Variants in FUT6 observed in about 807,000 individuals in gnomAD.
FUT6 encodes fucosyltransferase 6.
For synonymous variants in FUT6, 187 were observed against 209.9 expected, an observed-to-expected ratio of 0.89 and a Z score of 0.94; for missense variants, 454 against 494.6, an observed-to-expected ratio of 0.92 and a Z score of 0.78.
In FUT6 at chr19:5,832,537, A is replaced by T; in HGVS notation, c.31T>A (p.Trp11Arg). Residue 11 changes from tryptophan to arginine, a missense_variant, in exon 3 of 3, where the codon TGG becomes AGG. Transcript: ENST00000318336. The surrounding 1 kb of genome is among the most constrained non-coding windows in gnomAD (Gnocchi z 4.3). The part of the protein sequence containing the change: MDPLGPAKPQ[W>R]SWRCCLTTLL... ...GTGGTCAGACAGCAGCGCCACGACCACTGTGGCTTGGCCGGGCCCAGGGGA... is the reference window on the plus strand; with the variant it reads ...GTGGTCAGACAGCAGCGCCACGACCTCTGTGGCTTGGCCGGGCCCAGGGGA... The T allele has an allele frequency of 6.2e-7, 1 of 1,613,532 alleles. No homozygotes were observed. The highest frequency in any genetic ancestry group is 8.5e-7 in the Non-Finnish European group (1 of 1,179,982).
In FUT6 at chr19:5,832,252, T is replaced by A; in HGVS notation, c.316A>T (p.Ile106Phe). ...RKVYPQADAV[I>F]VHHREVMYNP... The stretch of plus-strand genomic sequence containing the variant: ...TACATGACCTCTCGGTGGTGCACGA[T>A]GACCGCGTCTGCCTGTGGATACACC... The change falls in exon 3 of 3, where the codon ATC becomes TTC. Residue 106 changes from isoleucine (I) to phenylalanine (F), a missense_variant. Coordinates refer to ENST00000318336, the MANE Select transcript of FUT6 (RefSeq NM_000150.4). The surrounding 1 kb of genome is among the most constrained non-coding windows in gnomAD (Gnocchi z 4.3). The A allele has an allele frequency of 6.3e-7, 1 of 1,599,640 alleles. No homozygotes were observed. Among genetic ancestry groups the A allele is most frequent in the Middle Eastern group, 1.7e-4 (1 of 6,048 alleles).
chr19:5,833,646 A>G (rs1179794885), intron 2 of FUT6, among the ~76,000 whole-genome samples: 2 of 144,512 alleles, frequency 1.4e-5, no homozygotes, highest in South Asian at 2.2e-4. Flanking sequence ...TACAAAAATT[A>G]GCTGGGCGTG....
rs1055009521 is a variant in FUT6, at chr19:5,832,822, G to A, written c.-12-243C>T. On this transcript the variant is annotated intron_variant, in intron 2 of 2. Coordinates refer to ENST00000318336, the MANE Select transcript of FUT6 (RefSeq NM_000150.4). This position sits in a 1 kb window ranked among gnomAD's most constrained non-coding sequence, Gnocchi z 4.3. ...CTTTCTACATGGGCAAGGGTCCCTGGGGAAGTTGGGAGAGGCCCCAAGGGC... is the reference window on the plus strand; with the variant it reads ...CTTTCTACATGGGCAAGGGTCCCTGAGGAAGTTGGGAGAGGCCCCAAGGGC... 7.4e-6 allele frequency: 4 copies of A among 542,170 alleles called. No homozygotes were observed. The highest frequency in any genetic ancestry group is 1.3e-5 in the Non-Finnish European group (4 of 302,404). 33.6% of individuals were successfully genotyped at this position (542,170 alleles called of 1,614,324 possible).
In FUT6 at chr19:5,831,862, T is replaced by C; in HGVS notation, c.706A>G (p.Thr236Ala). 1 of 1,613,772 alleles carries C rather than the reference T, an allele frequency of 6.2e-7. No individual in the cohort carries two copies. The highest frequency in any genetic ancestry group is 8.5e-7 in the Non-Finnish European group (1 of 1,179,836). The change falls in exon 3 of 3, where the codon ACG becomes GCG. Residue 236 changes from threonine (T) to alanine (A), a missense_variant. Transcript: ENST00000318336. The surrounding 1 kb of genome is among the most constrained non-coding windows in gnomAD (Gnocchi z 7.0). The stretch of plus-strand genomic sequence containing the variant: ...AGATAGAACTTGTACCGGGACAGCG[T>C]CTCCATCATGGTTCCCTGGGGCAGG... ...KPLPQGTMME[T>A]LSRYKFYLAF...
chr19:5,831,986 C>G lies in FUT6; in HGVS notation c.582G>C (p.Trp194Cys). ...NLSAKTELVA[W>C]AVSNWGPNSA... ...AGTTTGGCCCCCAGTTGGACACTGC[C>G]CAGGCCACCAGCTCGGTCTTGGCCG... Residue 194 changes from tryptophan (W) to cysteine (C), a missense_variant, in exon 3 of 3, where the codon TGG becomes TGC. Coordinates refer to ENST00000318336, the MANE Select transcript of FUT6 (RefSeq NM_000150.4). This position sits in a 1 kb window ranked among gnomAD's most constrained non-coding sequence, Gnocchi z 7.0. 1 of 1,613,954 alleles carries G rather than the reference C, an allele frequency of 6.2e-7. No homozygotes were observed. The highest frequency in any genetic ancestry group is 8.5e-7 in the Non-Finnish European group (1 of 1,179,950).
rs920177821 is a variant in FUT6 at position 5,832,999 on chromosome 19, T to C, written c.-12-420A>G. 26 of 218,216 alleles carry C rather than the reference T, an allele frequency of 1.2e-4. No individual in the cohort carries two copies. The highest frequency in any genetic ancestry group is 2.3e-4 in the Non-Finnish European group (25 of 108,390). 13.5% of individuals were successfully genotyped at this position (218,216 alleles called of 1,614,324 possible). A position where few individuals can be genotyped will look rare whatever the true frequency, so the allele number is the denominator to read the frequency against. On this transcript the variant is annotated intron_variant, in intron 2 of 2. Coordinates refer to ENST00000318336, the MANE Select transcript of FUT6 (RefSeq NM_000150.4). The surrounding 1 kb of genome is among the most constrained non-coding windows in gnomAD (Gnocchi z 4.3). ...TCTGCTGGGGAAGGGCACAATGGGA[T>C]TGGGTTTTGGAGGTAATATAAGAGC...
Position 5,831,596 on chromosome 19 carries a change from C to G in FUT6, c.972G>C (p.Thr324=), listed in dbSNP as rs140002776. The change falls in exon 3 of 3, where the codon ACG becomes ACC. Residue 324 remains threonine (T), a synonymous_variant. Transcript: ENST00000318336. This position sits in a 1 kb window ranked among gnomAD's most constrained non-coding sequence, Gnocchi z 7.0. ...RYLSYFRWRE[T]LRPRSFSWAL... is the part of the protein sequence containing the mutation. Reference sequence around the variant, plus strand: ...CCCAGCTGAAGGAGCGAGGCCGCAGCGTCTCCCGCCAGCGAAAGTAGCTCA... The same window carrying G: ...CCCAGCTGAAGGAGCGAGGCCGCAGGGTCTCCCGCCAGCGAAAGTAGCTCA... 6.2e-7 allele frequency: 1 copy of G among 1,614,026 alleles called. No individual in the cohort carries two copies. Among genetic ancestry groups the G allele is most frequent in the East Asian group, 2.2e-5 (1 of 44,880 alleles).
Position 5,831,351 on chromosome 19 carries a change from A to C in FUT6, c.*137T>G. The C allele has an allele frequency of 2.5e-6, 4 of 1,599,726 alleles. No homozygotes were observed. The highest frequency in any genetic ancestry group is 3.4e-6 in the Non-Finnish European group (4 of 1,172,704). ...ATCCCCAGGCAGGTGAAGCTGCAAC[A>C]GGTGACCGTCCCAGGCAGGTGAGTC... On this transcript the variant is annotated 3_prime_UTR_variant, in exon 3 of 3. Coordinates refer to ENST00000318336, the MANE Select transcript of FUT6 (RefSeq NM_000150.4). The surrounding 1 kb of genome is among the most constrained non-coding windows in gnomAD (Gnocchi z 7.0).
Position 5,831,308 on chromosome 19 carries a change from G to A in FUT6, c.*180C>T. The A allele has an allele frequency of 2.1e-6, 3 of 1,452,966 alleles. No individual in the cohort carries two copies. The highest frequency in any genetic ancestry group is 2.9e-6 in the Non-Finnish European group (3 of 1,044,172). The allele number at this position is 1,452,966 out of a possible 1,614,324, so 90.0% of individuals were successfully genotyped here. A position where few individuals can be genotyped will look rare whatever the true frequency, so the allele number is the denominator to read the frequency against. On this transcript the variant is annotated 3_prime_UTR_variant, in exon 3 of 3. Transcript: ENST00000318336. This position sits in a 1 kb window ranked among gnomAD's most constrained non-coding sequence, Gnocchi z 7.0. ...CCAGCAGGTGAGGCCCCAGGAAAGT[G>A]AGGACCCAGGTAGGTGAATCCCCAG...
At chr19:5,837,568 T>C (rs1252290733) in intron 1 of FUT6, among the ~76,000 whole-genome samples, 1 of 151,700 alleles carries the variant, frequency 6.6e-6, no homozygotes, top group African/African-American at 2.4e-5. Flanking sequence ...AGTTAGAGAC[T>C]GTCCTGACCA....
rs1296242632 is a variant in FUT6, at chr19:5,831,143, G to A, written c.*345C>T. ...GGTCTCTGGGAGCAGGTCCCAGCAGGTAAAGTCCCCAACAGCCGAGGTCCC... is the reference window on the plus strand; with the variant it reads ...GGTCTCTGGGAGCAGGTCCCAGCAGATAAAGTCCCCAACAGCCGAGGTCCC... On this transcript the variant is annotated 3_prime_UTR_variant, in exon 3 of 3. Coordinates refer to ENST00000318336, the MANE Select transcript of FUT6 (RefSeq NM_000150.4). The surrounding 1 kb of genome is among the most constrained non-coding windows in gnomAD (Gnocchi z 7.0). The A allele has an allele frequency of 3.2e-6, 2 of 620,014 alleles. No homozygotes were observed. Among genetic ancestry groups the A allele is most frequent in the Non-Finnish European group, 5.7e-6 (2 of 350,168 alleles). 38.4% of individuals were successfully genotyped at this position (620,014 alleles called of 1,614,324 possible). A position where few individuals can be genotyped will look rare whatever the true frequency, so the allele number is the denominator to read the frequency against.
rs2057100579 is a variant in FUT6 at position 5,831,841 on chromosome 19, A to G, written c.727T>C (p.Tyr243His). 2 of 1,613,832 alleles carry G rather than the reference A, an allele frequency of 1.2e-6. No homozygotes were observed. The highest frequency in any genetic ancestry group is 3.3e-5 in the Admixed American group (2 of 60,000). ...MMETLSRYKF[Y>H]LAFENSLHPD... ...TGCAAGGAGTTCTCGAAGGCCAGAT[A>G]GAACTTGTACCGGGACAGCGTCTCC... is the stretch of plus-strand genomic sequence containing the variant. The change falls in exon 3 of 3, where the codon TAT becomes CAT. Residue 243 changes from tyrosine to histidine, a missense_variant. Transcript: ENST00000318336. This position sits in a 1 kb window ranked among gnomAD's most constrained non-coding sequence, Gnocchi z 7.0.
chr19:5,836,865 TAAC>T (rs942213298), intron 1 of FUT6, among the ~76,000 whole-genome samples: 15 of 142,366 alleles, frequency 1.1e-4, no homozygotes, highest in African/African-American at 2.1e-4. Context: ...AATAAATAAA[TAAC>T]AACAAAAAAT....
Position 5,831,894 on chromosome 19 carries a change from T to C in FUT6, c.674A>G (p.His225Arg), listed in dbSNP as rs2144786919. Reference protein sequence around the residue: ...HLKVDVYGRSHKPLPQGTMME... With the variant: ...HLKVDVYGRSRKPLPQGTMME... ...CATGGTTCCCTGGGGCAGGGGCTTG[T>C]GGGAGCGTCCGTACACGTCCACCTT... The change falls in exon 3 of 3, where the codon CAC (histidine) becomes CGC (arginine). Residue 225 changes from histidine (H) to arginine (R), a missense_variant. His to Arg is a conservative substitution (Grantham distance 29). Transcript: ENST00000318336. The surrounding 1 kb of genome is among the most constrained non-coding windows in gnomAD (Gnocchi z 7.0). 1.2e-6 allele frequency: 2 copies of C among 1,613,888 alleles called. No homozygotes were observed. Among genetic ancestry groups the C allele is most frequent in the African/African-American group, 1.3e-5 (1 of 74,992 alleles).
chr19:5,833,443 C>T (rs1489500502), intron 2 of FUT6, among the ~76,000 whole-genome samples: 4 of 140,486 alleles, frequency 2.8e-5, no homozygotes, highest in South Asian at 4.6e-4. Context: ...GAGCCGAGAT[C>T]GCACCGCTGC....
intron 1 of FUT6, among the ~76,000 whole-genome samples, chr19:5,837,340 A>G (rs989518596): frequency 1.3e-5 from 2 of 151,702 alleles, no homozygotes; most frequent in African/African-American, 4.8e-5. Flanking sequence ...GCCCAGCCTC[A>G]TTTTATGGAA....
intron 1 of FUT6, among the ~76,000 whole-genome samples, chr19:5,836,205 A>AATTTT (rs1202420917): frequency 3.4e-5 from 1 of 29,248 alleles, no homozygotes; most frequent in African/African-American, 1.9e-4. Flanking sequence ...GGCTAATGTT[A>AATTTT]ATTTTCTTTT....
In FUT6 at chr19:5,833,393, G is replaced by A. The variant is rs575110235; in HGVS notation, c.-12-814C>T. Reference sequence around the variant, plus strand: ...AATCCCAGCTACTTGAGAGGCTGAGGCAGGAGAATTGCTTGAACCTGGGGG... The same window carrying A: ...AATCCCAGCTACTTGAGAGGCTGAGACAGGAGAATTGCTTGAACCTGGGGG... On this transcript the variant is annotated intron_variant, in intron 2 of 2. Transcript: ENST00000318336. Among the ~76,000 whole-genome samples the A allele has an allele frequency of 2.6e-5, 4 of 151,868 alleles. No individual in the cohort carries two copies. In the South Asian group the frequency reaches 8.3e-4, roughly 32 times the overall value.
rs1312820026 is a variant in FUT6 at position 5,831,843 on chromosome 19, A to G, written c.725T>C (p.Phe242Ser). ...CAAGGAGTTCTCGAAGGCCAGATAG[A>G]ACTTGTACCGGGACAGCGTCTCCAT... ...TMMETLSRYK[F>S]YLAFENSLHP... The change falls in exon 3 of 3, where the codon TTC (phenylalanine) becomes TCC (serine). Residue 242 changes from phenylalanine to serine, a missense_variant. By Grantham distance (155) the Phe-to-Ser change is radical (BLOSUM62 -2). Coordinates refer to ENST00000318336, the MANE Select transcript of FUT6 (RefSeq NM_000150.4). This position sits in a 1 kb window ranked among gnomAD's most constrained non-coding sequence, Gnocchi z 7.0. 6.2e-7 allele frequency: 1 copy of G among 1,613,526 alleles called. No homozygotes were observed. The highest frequency in any genetic ancestry group is 1.7e-5 in the Admixed American group (1 of 59,972).
Sources: gnomAD v4.1 joint callset for allele counts (sites outside exome capture counted in the v4.1 genomes callset) on GRCh38, gnomAD v4.1.1 for gene constraint, Gnocchi (gnomAD v3.1) non-coding constraint, MANE v1.5 for transcripts, NCBI Gene and HGNC (gene_info 2026-07-23, HGNC 2026-07-21) for gene names.